The following FGGY variants were observed in gnomAD, a reference collection of about 807,000 sequenced individuals.
The protein encoded by FGGY is FGGY carbohydrate kinase domain containing, also known as FGGY carbohydrate kinase domain-containing protein.
In FGGY, 72 loss-of-function variants were observed where a neutral mutation model predicts 71.3. The ratio of observed to expected loss-of-function variants is 1.01; its 90% confidence interval spans 0.84 to 1.23. The LOEUF (loss-of-function observed/expected upper bound fraction) is 1.23. FGGY is among the 50% of genes most tolerant of loss of function. The pLI, the probability that FGGY is intolerant of heterozygous loss-of-function variation, is 0.00. For synonymous variants in FGGY, 251 were observed against 250.3 expected, an observed-to-expected ratio of 1.00 and a Z score of -0.02; for missense variants, 668 against 682.3, an observed-to-expected ratio of 0.98 and a Z score of 0.23.
intron 8 of FGGY, among the ~76,000 whole-genome samples, chr1:59,605,370 G>A (rs145248504): frequency 2.0e-5 from 3 of 152,166 alleles, no homozygotes; most frequent in South Asian, 2.1e-4. Context: ...CCAAACCTGC[G>A]TAATTGTTCA....
At chr1:59,611,057 G>A (rs376546124) in intron 9 of FGGY, among the ~76,000 whole-genome samples, 13 of 152,234 alleles carry the variant, frequency 8.5e-5, no homozygotes, top group African/African-American at 2.2e-4. Context: ...AAGGAGACCT[G>A]CCTGCCTCTG....
At chr1:59,491,931 C>T (rs1310682859) in intron 6 of FGGY, among the ~76,000 whole-genome samples, 4 of 152,038 alleles carry the variant, frequency 2.6e-5, no homozygotes, top group South Asian at 2.1e-4. Context: ...AGACGCGTGT[C>T]GTTCTTATTG....
At chr1:59,592,433 G>T (rs2096460615) in intron 8 of FGGY, among the ~76,000 whole-genome samples, 1 of 152,124 alleles carries the variant, frequency 6.6e-6, no homozygotes, top group Non-Finnish European at 1.5e-5. Flanking sequence ...TCCCATTACT[G>T]GGTATATACC....
intron 8 of FGGY, among the ~76,000 whole-genome samples, chr1:59,588,663 T>C (rs1036883163): frequency 7.2e-5 from 11 of 152,224 alleles, no homozygotes; most frequent in African/African-American, 9.6e-5. Flanking sequence ...GAATTTTCAA[T>C]CCAGAATTTC....
intron 3 of FGGY, among the ~76,000 whole-genome samples, chr1:59,343,562 T>G (rs750762761): frequency 4.6e-5 from 7 of 152,174 alleles, no homozygotes; most frequent in Admixed American, 3.3e-4. Context: ...ACACACAGTA[T>G]AGACTCTTTC....
At chr1:59,535,663 TC>T (rs2095294240) in intron 7 of FGGY, among the ~76,000 whole-genome samples, 1 of 150,590 alleles carries the variant, frequency 6.6e-6, no homozygotes, top group African/African-American at 2.4e-5. Flanking sequence ...AAACTAGAAC[TC>T]AGGATTAAGA....
chr1:59,530,022 G>A (rs551404550), intron 7 of FGGY, among the ~76,000 whole-genome samples: 42 of 152,140 alleles, frequency 2.8e-4, no homozygotes, highest in Non-Finnish European at 4.7e-4. Context: ...TTTGGCAGAA[G>A]ATAATAATAA....
intron 9 of FGGY, among the ~76,000 whole-genome samples, chr1:59,611,901 G>A (rs1013203461): frequency 5.3e-5 from 8 of 152,196 alleles, no homozygotes; most frequent in African/African-American, 1.9e-4. Context: ...AGGTATCAGT[G>A]ATGGAAGATC....
intron 14 of FGGY, among the ~76,000 whole-genome samples, chr1:59,715,122 G>A (rs1304425391): frequency 1.3e-5 from 2 of 152,176 alleles, no homozygotes; most frequent in Non-Finnish European, 2.9e-5. Context: ...AACTTGCTGG[G>A]TTTGTTAAGA....
At chr1:59,470,177 T>G (rs1201430357) in intron 6 of FGGY, among the ~76,000 whole-genome samples, 2 of 152,206 alleles carry the variant, frequency 1.3e-5, no homozygotes, top group Non-Finnish European at 2.9e-5. Context: ...ATCGCCACAT[T>G]GTCTTCCACA....
intron 11 of FGGY, among the ~76,000 whole-genome samples, chr1:59,642,174 G>A (rs1056035281): frequency 5.3e-5 from 8 of 152,216 alleles, no homozygotes; most frequent in African/African-American, 1.7e-4. Context: ...GGGAGGAAGG[G>A]TGTAGTTTGC....
chr1:59,413,964 A>G (rs2063977742), intron 5 of FGGY, among the ~76,000 whole-genome samples: 1 of 152,260 alleles, frequency 6.6e-6, no homozygotes, highest in African/African-American at 2.4e-5. Context: ...TCATCTCAAA[A>G]AAACCCAAAA....
At chr1:59,518,170 C>T (rs997051196) in intron 7 of FGGY, among the ~76,000 whole-genome samples, 1 of 152,138 alleles carries the variant, frequency 6.6e-6, no homozygotes, top group African/African-American at 2.4e-5. Flanking sequence ...AATTTCTTTT[C>T]TTTTTAAATG....
chr1:59,529,461 T>C (rs1044567442), intron 7 of FGGY, among the ~76,000 whole-genome samples: 1 of 152,112 alleles, frequency 6.6e-6, no homozygotes, highest in Admixed American at 6.5e-5. Context: ...TCTGGGAGAA[T>C]AGGTGTATTC....
intron 14 of FGGY, among the ~76,000 whole-genome samples, chr1:59,710,450 A>G (rs568909851): frequency 6.6e-6 from 1 of 152,348 alleles, no homozygotes; most frequent in East Asian, 1.9e-4. Flanking sequence ...GACAAATGGG[A>G]TCTAATTAAA....
intron 2 of FGGY, among the ~76,000 whole-genome samples, chr1:59,327,980 G>C (rs1432788989): frequency 1.3e-5 from 2 of 152,194 alleles, no homozygotes; most frequent in Non-Finnish European, 2.9e-5. Flanking sequence ...TCCAGGCTTT[G>C]TTGTTCCATT....
intron 8 of FGGY, among the ~76,000 whole-genome samples, chr1:59,599,355 C>T (rs963398260): frequency 3.9e-5 from 6 of 152,026 alleles, no homozygotes; most frequent in Non-Finnish European, 7.4e-5. Context: ...ATCTGCTGGC[C>T]TTAGCCTCCC....
chr1:59,575,464 A>G (rs2153741785), intron 8 of FGGY, among the ~76,000 whole-genome samples: 1 of 152,230 alleles, frequency 6.6e-6, no homozygotes, highest in Non-Finnish European at 1.5e-5. Context: ...ACTGAATAGT[A>G]TTTTGTTTTG....
chr1:59,715,495 G>T (rs1395756098), intron 14 of FGGY, among the ~76,000 whole-genome samples: 1 of 152,226 alleles, frequency 6.6e-6, no homozygotes, highest in African/African-American at 2.4e-5. Flanking sequence ...TTGGGTCAAT[G>T]AAATTTGGTC....
Sources: gnomAD v4.1 joint callset for allele counts (sites outside exome capture counted in the v4.1 genomes callset) on GRCh38, gnomAD v4.1.1 for gene constraint, MANE v1.5 for transcripts, NCBI Gene and HGNC (gene_info 2026-07-23, HGNC 2026-07-21) for gene names.